MKX: variants seen among roughly 807,000 people sequenced by gnomAD.
MKX encodes mohawk homeobox.
A neutral mutation model predicts 36.0 loss-of-function variants in MKX; 13 were observed. The ratio of observed to expected loss-of-function variants is 0.36; its 90% CI spans 0.24 to 0.57. The LOEUF (loss-of-function observed/expected upper bound fraction) is 0.57, where lower values mean the gene tolerates loss of function less well. Among genes scored for constraint, MKX ranks in the 20% least tolerant of loss-of-function variants. The probability of loss-of-function intolerance (pLI) is 0.79; values close to 1 mark genes in which losing one functional copy is unlikely to be tolerated. For synonymous variants in MKX, 176 were observed against 178.3 expected, an observed-to-expected ratio of 0.99 and a Z score of 0.10; for missense variants, 458 against 456.4, an observed-to-expected ratio of 1.00 and a Z score of -0.03.
chr10:27,675,479 T>C, intron 6 of MKX, 42 bp downstream of exon 6: 1 of 1,614,082 alleles, frequency 6.2e-7, no homozygotes, highest in Non-Finnish European at 8.5e-7. Flanking sequence ...GAAAATGCCA[T>C]CGCTGAAAAG....
At chr10:27,732,466 T>G (rs1589692672) in intron 5 of MKX, among the ~76,000 whole-genome samples, 1 of 152,270 alleles carries the variant, frequency 6.6e-6, no homozygotes, top group South Asian at 2.1e-4. Flanking sequence ...TTTTAAAACC[T>G]TTTTTGTTTA....
intron 5 of MKX, among the ~76,000 whole-genome samples, chr10:27,721,248 T>A (rs1834370132): frequency 1.3e-5 from 1 of 76,344 alleles, no homozygotes. Context: ...AGGACCTAGA[T>A]GAGAATATTT....
At chr10:27,713,080 A>G (rs955761443) in intron 5 of MKX, among the ~76,000 whole-genome samples, 1 of 152,214 alleles carries the variant, frequency 6.6e-6, no homozygotes, top group Admixed American at 6.5e-5. Context: ...AAGGGAGTAT[A>G]TTTCACATCT....
intron 5 of MKX, among the ~76,000 whole-genome samples, chr10:27,700,691 G>C (rs764775277): frequency 6.6e-6 from 1 of 152,020 alleles, no homozygotes; most frequent in African/African-American, 2.4e-5. Context: ...CCTAGTGATC[G>C]ATCAATAAAC....
chr10:27,742,623 C>A lies in MKX; in HGVS notation c.188+605G>T, dbSNP rs374447303. Among the ~76,000 whole-genome samples, 7 of 151,860 alleles carry A rather than the reference C, an allele frequency of 4.6e-5. No homozygotes were observed. The highest frequency in any genetic ancestry group is 1.4e-4 in the African/African-American group (6 of 41,380). ...GGCCCACCCGCAAGCTACCGCCCCC[C>A]CCAGCATACCCCTCACCCCGCTAAA... On this transcript the variant is annotated intron_variant, in intron 2 of 6. Transcript: ENST00000419761. The surrounding 1 kb of genome is among the most constrained non-coding windows in gnomAD (Gnocchi z 4.2).
intron 5 of MKX, among the ~76,000 whole-genome samples, chr10:27,732,518 C>T (rs1272738923): frequency 6.6e-6 from 1 of 151,840 alleles, no homozygotes; most frequent in Non-Finnish European, 1.5e-5. Context: ...TTGTAATTTC[C>T]AATTTTAATT....
At chr10:27,691,586 C>A (rs141717300) in intron 5 of MKX, among the ~76,000 whole-genome samples, 1 of 152,142 alleles carries the variant, frequency 6.6e-6, no homozygotes, top group East Asian at 1.9e-4. Flanking sequence ...TCAGGAGGTA[C>A]ATATGCAGGT....
chr10:27,712,717 G>A lies in MKX; in HGVS notation c.838+21739C>T, dbSNP rs145217292. Among the ~76,000 whole-genome samples, 345 of 152,322 alleles carry A rather than the reference G, an allele frequency of 2.3e-3. 1 individual carries two copies. Among genetic ancestry groups the A allele is most frequent in the African/African-American group, 7.9e-3 (329 of 41,564 alleles). ...TCATCCCAACACTTTGGGATGCAGA[G>A]GTGGGAGGATTTCTTGAGGCCAGGA... On this transcript the variant is annotated intron_variant, in intron 5 of 6. Transcript: ENST00000419761.
In MKX at chr10:27,675,207, G is replaced by C; in HGVS notation, c.*22C>G. Reference sequence around the variant, plus strand: ...GAAAACACCGGAAAGAACATCCATTGGATCTGAAAAGCAACAAGCTCTTAA... The same window carrying C: ...GAAAACACCGGAAAGAACATCCATTCGATCTGAAAAGCAACAAGCTCTTAA... On this transcript the variant is annotated 3_prime_UTR_variant, in exon 7 of 7. Coordinates refer to ENST00000419761, the MANE Select transcript of MKX (RefSeq NM_173576.3). The C allele has an allele frequency of 6.2e-7, 1 of 1,605,886 alleles. No homozygotes were observed. The highest frequency in any genetic ancestry group is 8.5e-7 in the Non-Finnish European group (1 of 1,175,212).
chr10:27,736,063 T>C (rs1834766008), intron 3 of MKX, among the ~76,000 whole-genome samples: 1 of 151,848 alleles, frequency 6.6e-6, no homozygotes, highest in Admixed American at 6.6e-5. Flanking sequence ...GGTAAGAAAA[T>C]AAAAGTGGTA....
intron 5 of MKX, among the ~76,000 whole-genome samples, chr10:27,695,114 C>T (rs1564349714): frequency 6.6e-6 from 1 of 152,086 alleles, no homozygotes; most frequent in Non-Finnish European, 1.5e-5. Flanking sequence ...CACCATTGCT[C>T]CTGACATCCT....
intron 5 of MKX, among the ~76,000 whole-genome samples, chr10:27,678,982 T>C (rs1338134996): frequency 2.0e-5 from 3 of 152,190 alleles, no homozygotes; most frequent in Non-Finnish European, 4.4e-5. Flanking sequence ...CTCAGCAATG[T>C]ACTACACAGG....
At chr10:27,699,627 C>CA (rs1589666252) in intron 5 of MKX, among the ~76,000 whole-genome samples, 1 of 152,066 alleles carries the variant, frequency 6.6e-6, no homozygotes, top group Admixed American at 6.6e-5. Flanking sequence ...TAAACAACAA[C>CA]AAAAAAGGCT....
intron 1 of MKX, 130 bp from the exon 2 acceptor site, chr10:27,743,627 G>T (rs1834973348): frequency 1.1e-5 from 6 of 539,888 alleles, no homozygotes; most frequent in Non-Finnish European, 1.9e-5. Context: ...GCCGCAACTG[G>T]CAGGGACCCT....
At chr10:27,678,282 ATT>A (rs926803983) in intron 5 of MKX, among the ~76,000 whole-genome samples, 5 of 152,200 alleles carry the variant, frequency 3.3e-5, no homozygotes, top group African/African-American at 1.2e-4. Context: ...CAAATTGGAC[ATT>A]TTACAGAGGA....
In MKX at chr10:27,734,874, T is replaced by C. The variant is rs939566642; in HGVS notation, c.503-83A>G. 4 of 775,242 alleles carry C rather than the reference T, an allele frequency of 5.2e-6. No homozygotes were observed. The African/African-American group carries it at 7.2e-5, about 14-fold the overall frequency. 48.0% of individuals were successfully genotyped at this position (775,242 alleles called of 1,614,324 possible). On this transcript the variant is annotated intron_variant, in intron 4 of 6. Coordinates refer to ENST00000419761, the MANE Select transcript of MKX (RefSeq NM_173576.3). ...AACTCTTATATTTAATCCTTAAAAA[T>C]ATATAAAGGAAATATATTTAAAGTA...
Position 27,734,807 on chromosome 10 carries a change from A to G in MKX, c.503-16T>C. On this transcript the variant is annotated splice_polypyrimidine_tract_variant and intron_variant, in intron 4 of 6. Transcript: ENST00000419761. ...TTTTCTCCATCTAAAGTGGAACAGTATCACTAAGTAGGGTGGTATGCATAC... is the reference window on the plus strand; with the variant it reads ...TTTTCTCCATCTAAAGTGGAACAGTGTCACTAAGTAGGGTGGTATGCATAC... 2 of 1,587,098 alleles carry G rather than the reference A, an allele frequency of 1.3e-6. No homozygotes were observed. Among genetic ancestry groups the G allele is most frequent in the Non-Finnish European group, 1.7e-6 (2 of 1,163,206 alleles).
In MKX at chr10:27,743,356, G is replaced by T; in HGVS notation, c.60C>A (p.Ala20=). The T allele has an allele frequency of 6.3e-7, 1 of 1,580,306 alleles. No homozygotes were observed. Among genetic ancestry groups the T allele is most frequent in the Non-Finnish European group, 8.6e-7 (1 of 1,165,782 alleles). ...GCCGGCCACCCCGCTCCCGCTCCGA[G>T]GCGCCTCCGTCCTCAAACAGCACCG... The part of the protein sequence containing the change: ...SGAVLFEDGG[A]SERERGGRPY... Residue 20 remains alanine (A), a synonymous_variant, in exon 2 of 7, where the codon GCC becomes GCA. Coordinates refer to ENST00000419761, the MANE Select transcript of MKX (RefSeq NM_173576.3).
intron 5 of MKX, among the ~76,000 whole-genome samples, chr10:27,729,292 C>CTT (rs57352901): frequency 0.012 from 1,452 of 118,032 alleles, 37 homozygotes; most frequent in Non-Finnish European, 0.015. Context: ...TGCACTAGGC[C>CTT]TTTTTTTTTT....
Sources: gnomAD v4.1 joint callset for allele counts (sites outside exome capture counted in the v4.1 genomes callset) on GRCh38, gnomAD v4.1.1 for gene constraint, Gnocchi (gnomAD v3.1) non-coding constraint, MANE v1.5 for transcripts, NCBI Gene and HGNC (gene_info 2026-07-23, HGNC 2026-07-21) for gene names.